DYSF: variants seen among roughly 807,000 people sequenced by gnomAD.
DYSF encodes dysferlin, also known as dystrophy-associated fer-1-like 1.
Under a neutral mutation model 274.9 loss-of-function variants are expected in DYSF, and 212 were observed. That is an observed-to-expected ratio of 0.77 (90% CI 0.69 to 0.86). The LOEUF is 0.86. Among genes scored for constraint, DYSF ranks in the 40% least tolerant of loss-of-function variants. DYSF has a pLI of 0.00. For missense variants in DYSF, 2,666 were observed against 2,783.2 expected (o/e 0.96, Z 0.95); for synonymous variants, 1,091 against 1,078.7 (o/e 1.01, Z -0.22).
rs746083114 is a variant in DYSF, at chr2:71,679,064, G to T, written c.5892G>T (p.Leu1964=). Residue 1964 remains leucine (L), a synonymous_variant, in exon 53 of 56, where the codon CTG becomes CTT. Coordinates refer to ENST00000410020, the MANE Select transcript of DYSF (RefSeq NM_001130987.2). Reference sequence around the variant, plus strand: ...ACTACCTCTCTGTTGCAGGCTCCCTGCAGCTCGATCTCAACCGCATGCCCA... The same window carrying T: ...ACTACCTCTCTGTTGCAGGCTCCCTTCAGCTCGATCTCAACCGCATGCCCA... ...KFSFDDFLGS[L]QLDLNRMPKP... 6.2e-7 allele frequency: 1 copy of T among 1,613,966 alleles called. No homozygotes were observed. Among genetic ancestry groups the T allele is most frequent in the South Asian group, 1.1e-5 (1 of 91,078 alleles).
chr2:71,513,012 G>A lies in DYSF; in HGVS notation c.461-228G>A, dbSNP rs10187280. Reference sequence around the variant, plus strand: ...CCGAATACTCTGGGACTGTGTTGAGGTGGATCTGACAGAGTTAGGTGCAGG... The same window carrying A: ...CCGAATACTCTGGGACTGTGTTGAGATGGATCTGACAGAGTTAGGTGCAGG... On this transcript the variant is annotated intron_variant, in intron 5 of 55. Coordinates refer to ENST00000410020, the MANE Select transcript of DYSF (RefSeq NM_001130987.2). 0.021 allele frequency among the ~76,000 whole-genome samples: 3,159 copies of A among 152,264 alleles called. 102 individuals are homozygous for A. Among genetic ancestry groups the A allele is most frequent in the African/African-American group, 0.068 (2,844 of 41,542 alleles).
chr2:71,652,468 A>G (rs889085023), intron 42 of DYSF, among the ~76,000 whole-genome samples: 2 of 152,336 alleles, frequency 1.3e-5, no homozygotes, highest in African/African-American at 4.8e-5. Flanking sequence ...ATTCACATTC[A>G]TAGTACCAAC....
At chr2:71,664,084 C>T (rs531469859) in intron 45 of DYSF, among the ~76,000 whole-genome samples, 184 bp from the exon 46 acceptor site, 1 of 152,304 alleles carries the variant, frequency 6.6e-6, no homozygotes, top group Non-Finnish European at 1.5e-5. Flanking sequence ...AAAGTCCTGT[C>T]CCCCTTCCCC....
Position 71,667,233 on chromosome 2 carries a change from G to A in DYSF, c.5318-143G>A, listed in dbSNP as rs879030108. 27 of 1,130,292 alleles carry A rather than the reference G, an allele frequency of 2.4e-5. No homozygotes were observed. The South Asian group carries it at 3.2e-4, about 13-fold the overall frequency. The allele number at this position is 1,130,292 out of a possible 1,614,324, so 70.0% of individuals were successfully genotyped here. On this transcript the variant is annotated intron_variant, in intron 47 of 55. Coordinates refer to ENST00000410020, the MANE Select transcript of DYSF (RefSeq NM_001130987.2). ...AAGTGAGACATGAGGACCAGAAAAA[G>A]TGCATCTGTGCTGGGGGTGAGGCTG... is the stretch of plus-strand genomic sequence containing the variant.
intron 13 of DYSF, 59 bp downstream of exon 13, chr2:71,526,405 T>TGGGGGGGGGGGGGGGGGGGGGGGGGG: frequency 5.4e-6 from 2 of 370,362 alleles, no homozygotes; most frequent in East Asian, 1.1e-4. Context: ...GCAGGGCTGG[T>TGGGGGGGGGGGGGGGGGGGGGGGGGG]GGGGGTGGGC....
At chr2:71,632,749 T>C (rs1286810996) in intron 41 of DYSF, among the ~76,000 whole-genome samples, 2 of 152,164 alleles carry the variant, frequency 1.3e-5, no homozygotes, top group Non-Finnish European at 2.9e-5. Flanking sequence ...TGTGGGATCA[T>C]GGTGCCCTCA....
At chr2:71,545,433 C>T (rs780257548) in intron 17 of DYSF, among the ~76,000 whole-genome samples, 4 of 152,160 alleles carry the variant, frequency 2.6e-5, no homozygotes, top group Non-Finnish European at 4.4e-5. Flanking sequence ...CTCTTCCTGC[C>T]CCAGCCCCTC....
intron 16 of DYSF, 142 bp downstream of exon 16, chr2:71,535,453 G>A (rs907083220): frequency 4.5e-6 from 4 of 895,050 alleles, no homozygotes; most frequent in East Asian, 4.9e-5. Flanking sequence ...GGGTAGCCAG[G>A]GATGGAGAGG....
intron 30 of DYSF, among the ~76,000 whole-genome samples, chr2:71,580,383 G>T (rs1474924569): frequency 1.3e-5 from 2 of 152,258 alleles, no homozygotes; most frequent in African/African-American, 4.8e-5. Context: ...GAAGTGCAGG[G>T]ATGTGGGTCA....
chr2:71,543,728 GGC>G (rs1041220512), intron 17 of DYSF, among the ~76,000 whole-genome samples: 9 of 152,210 alleles, frequency 5.9e-5, no homozygotes, highest in Non-Finnish European at 1.2e-4. Flanking sequence ...CAGGCGTGGC[GGC>G]GCGCGCCTGC....
At chr2:71,541,323 G>T (rs1400355770) in intron 17 of DYSF, among the ~76,000 whole-genome samples, 2 of 152,074 alleles carry the variant, frequency 1.3e-5, no homozygotes, top group East Asian at 3.8e-4. Context: ...TGTGATGATT[G>T]TTATTTTTAG....
chr2:71,553,124 C>A lies in DYSF; in HGVS notation c.1920C>A (p.Asn640Lys). 6.2e-7 allele frequency: 1 copy of A among 1,614,154 alleles called. No homozygotes were observed. Among genetic ancestry groups the A allele is most frequent in the Non-Finnish European group, 8.5e-7 (1 of 1,180,048 alleles). ...AGGTCAGCATCGGGAACTACGGGAACAAGTTCGACATGACCTGCCTGCCGC... is the reference window on the plus strand; with the variant it reads ...AGGTCAGCATCGGGAACTACGGGAAAAAGTTCGACATGACCTGCCTGCCGC... ...QFEVSIGNYG[N>K]KFDMTCLPLA... Residue 640 changes from asparagine to lysine, a missense_variant, in exon 20 of 56, where the codon AAC becomes AAA. Asn to Lys is a moderately conservative substitution (Grantham distance 94, BLOSUM62 0). This residue lies in a region of DYSF where 412 missense variants were observed against 504.0 expected (regional missense o/e 0.82). Coordinates refer to ENST00000410020, the MANE Select transcript of DYSF (RefSeq NM_001130987.2).
chr2:71,578,167 C>G (rs538349757), intron 30 of DYSF, among the ~76,000 whole-genome samples: 1 of 152,112 alleles, frequency 6.6e-6, no homozygotes, highest in South Asian at 2.1e-4. Context: ...TGGTGGGCCC[C>G]GAGAATCTCT....
At chr2:71,611,371 G>C (rs184640305) in intron 37 of DYSF, 25 bp downstream of exon 37, 1 of 1,600,622 alleles carries the variant, frequency 6.2e-7, no homozygotes, top group East Asian at 2.2e-5. Context: ...CCTGGGCGTG[G>C]GGGCTGGGAG....
intron 53 of DYSF, among the ~76,000 whole-genome samples, chr2:71,680,787 T>C (rs936593148): frequency 1.3e-5 from 2 of 152,260 alleles, no homozygotes; most frequent in Non-Finnish European, 2.9e-5. Flanking sequence ...CTTGTCTCCA[T>C]GTAGTGGAAG....
At chr2:71,636,581 A>G (rs1375016194) in intron 41 of DYSF, among the ~76,000 whole-genome samples, 2 of 152,176 alleles carry the variant, frequency 1.3e-5, no homozygotes, top group Admixed American at 1.3e-4. Flanking sequence ...AGGGATGTTC[A>G]GAGATAGGAA....
rs757101228 is a variant in DYSF, at chr2:71,556,219, G to T, written c.2216+148G>T. The T allele has an allele frequency of 4.8e-5, 33 of 693,964 alleles. No homozygotes were observed. In the African/African-American group the frequency reaches 5.6e-4, roughly 12 times the overall value. The allele number at this position is 693,964 out of a possible 1,614,324, so 43.0% of individuals were successfully genotyped here. On this transcript the variant is annotated intron_variant, in intron 22 of 55. Transcript: ENST00000410020. ...CCAGCCCGTGCTGAGTCCAAAGGTG[G>T]TGGAGCCAGTGCAGGAGTTGAAAAG...
chr2:71,499,697 T>C (rs894141589), intron 3 of DYSF, among the ~76,000 whole-genome samples: 1 of 152,240 alleles, frequency 6.6e-6, no homozygotes, highest in Admixed American at 6.5e-5. Flanking sequence ...CCCTTGCCCA[T>C]GCCAGTTCCT....
rs779875733 is a variant in DYSF at position 71,674,236 on chromosome 2, C to T, written c.5824C>T (p.Pro1942Ser). The T allele has an allele frequency of 6.2e-7, 1 of 1,614,228 alleles. No individual in the cohort carries two copies. The highest frequency in any genetic ancestry group is 1.7e-5 in the Admixed American group (1 of 60,034). ...WRLDKTESKI[P>S]ARVVFQIWDN... is the part of the protein sequence containing the mutation. ...GCTGGACAAGACTGAGAGCAAAATC[C>T]CAGCACGAGTGGTGTTCCAGATCTG... is the stretch of plus-strand genomic sequence containing the variant. The change falls in exon 52 of 56, where the codon CCA becomes TCA. Residue 1942 changes from proline (P) to serine (S), a missense_variant. Around this residue, in one of 3 missense-constraint regions of DYSF, gnomAD observed 1,460 missense variants for 1,502.1 expected, o/e 0.97. Transcript: ENST00000410020.
Sources: gnomAD v4.1 joint callset for allele counts (sites outside exome capture counted in the v4.1 genomes callset) on GRCh38, gnomAD v4.1.1 for gene constraint, gnomAD v4.1.1 regional missense constraint, MANE v1.5 for transcripts, NCBI Gene and HGNC (gene_info 2026-07-23, HGNC 2026-07-21) for gene names.